MPP7: variants seen among roughly 807,000 people sequenced by gnomAD.
MPP7 encodes MAGUK p55 subfamily member 7.
A neutral mutation model predicts 76.5 loss-of-function variants in MPP7; 60 were observed. The observed-to-expected ratio is 0.78, with a 90% CI of 0.64 to 0.97. MPP7 has a LOEUF of 0.97. Among genes scored for constraint, MPP7 ranks in the 50% least tolerant of loss-of-function variants. MPP7 has a pLI of 0.00. For synonymous variants in MPP7, 237 were observed against 244.5 expected (o/e 0.97, Z 0.29); for missense variants, 641 against 694.0 (o/e 0.92, Z 0.86).
intron 2 of MPP7, among the ~76,000 whole-genome samples, chr10:28,233,564 A>T (rs1226563022): frequency 1.3e-5 from 2 of 151,718 alleles, no homozygotes; most frequent in South Asian, 2.1e-4. Context: ...CAAAAATACA[A>T]AAAATTAGCC....
chr10:28,262,317 C>T (rs1246112228), intron 1 of MPP7, among the ~76,000 whole-genome samples: 5 of 134,366 alleles, frequency 3.7e-5, no homozygotes, highest in African/African-American at 1.1e-4. Context: ...AGGATGGTCT[C>T]GCTCTCCTGA....
intron 12 of MPP7, among the ~76,000 whole-genome samples, chr10:28,080,475 C>T (rs915794725): frequency 6.6e-6 from 1 of 152,152 alleles, no homozygotes; most frequent in African/African-American, 2.4e-5. Flanking sequence ...TTACTTTCTT[C>T]CATAGACTTA....
chr10:28,231,313 C>A (rs915854711), intron 2 of MPP7, among the ~76,000 whole-genome samples: 1 of 149,626 alleles, frequency 6.7e-6, no homozygotes, highest in African/African-American at 2.5e-5. Context: ...CAAAACTTAG[C>A]GAGAAATAGT....
At chr10:28,254,064 A>G (rs1431659133) in intron 1 of MPP7, among the ~76,000 whole-genome samples, 1 of 151,388 alleles carries the variant, frequency 6.6e-6, no homozygotes, top group African/African-American at 2.4e-5. Flanking sequence ...TCTTATGGGA[A>G]TTACATTCAA....
At chr10:28,115,927 C>T (rs1446443302) in intron 11 of MPP7, among the ~76,000 whole-genome samples, 3 of 152,066 alleles carry the variant, frequency 2.0e-5, no homozygotes, top group Non-Finnish European at 4.4e-5. Flanking sequence ...AAAAATTGTA[C>T]ATTCTTGTTT....
At chr10:28,177,344 G>A (rs1588888075) in intron 3 of MPP7, among the ~76,000 whole-genome samples, 1 of 150,958 alleles carries the variant, frequency 6.6e-6, no homozygotes, top group Non-Finnish European at 1.5e-5. Context: ...GGAGGCAGAG[G>A]TTGTGGTGAG....
chr10:28,323,216 C>T (rs1005142379), intron 2 of MPP7, among the ~76,000 whole-genome samples: 44 of 152,038 alleles, frequency 2.9e-4, no homozygotes, highest in African/African-American at 9.2e-4. Context: ...ACCTTGGAGG[C>T]GGAGCTTGCA....
intron 1 of MPP7, among the ~76,000 whole-genome samples, chr10:28,254,004 G>GAAAAAAAAA (rs199511617): frequency 3.2e-5 from 3 of 92,318 alleles, no homozygotes; most frequent in Non-Finnish European, 6.2e-5. Context: ...TCACAAAAAA[G>GAAAAAAAAA]AAAAAAAAAA....
At chr10:28,250,147 T>A (rs775154520) in intron 1 of MPP7, among the ~76,000 whole-genome samples, 7 of 152,130 alleles carry the variant, frequency 4.6e-5, no homozygotes, top group African/African-American at 4.8e-5. Context: ...ACTTTCCTGA[T>A]TTTATTTCCC....
intron 11 of MPP7, among the ~76,000 whole-genome samples, chr10:28,106,694 T>C (rs1834335412): frequency 6.6e-6 from 1 of 152,178 alleles, no homozygotes; most frequent in Non-Finnish European, 1.5e-5. Context: ...AGCACTCCTA[T>C]CCTCAACTAT....
intron 2 of MPP7, among the ~76,000 whole-genome samples, chr10:28,202,655 C>A (rs1837816601): frequency 6.6e-6 from 1 of 152,090 alleles, no homozygotes; most frequent in Non-Finnish European, 1.5e-5. Context: ...GAAAAACTTC[C>A]TTAGAAGAAC....
intron 2 of MPP7, among the ~76,000 whole-genome samples, chr10:28,319,097 A>G (rs1021806670): frequency 4.6e-5 from 7 of 152,208 alleles, no homozygotes; most frequent in Non-Finnish European, 1.0e-4. Context: ...GGCATGGCTG[A>G]GGAGACCTCA....
chr10:28,279,778 T>A (rs780052623), intron 1 of MPP7, among the ~76,000 whole-genome samples: 71 of 152,056 alleles, frequency 4.7e-4, no homozygotes, highest in Non-Finnish European at 7.8e-4. Flanking sequence ...GATGTAAGTT[T>A]AAGGACGGAA....
intron 3 of MPP7, among the ~76,000 whole-genome samples, chr10:28,154,036 G>A (rs1430023793): frequency 1.3e-5 from 2 of 152,080 alleles, no homozygotes; most frequent in Non-Finnish European, 2.9e-5. Context: ...CATGGGACAC[G>A]ATCCTTTCAG....
At chr10:28,178,764 G>A (rs932900295) in intron 3 of MPP7, among the ~76,000 whole-genome samples, 2 of 152,064 alleles carry the variant, frequency 1.3e-5, no homozygotes, top group Admixed American at 1.3e-4. Context: ...TCAACAAAAA[G>A]GGGGCTTTTG....
Position 28,265,052 on chromosome 10 carries a change from C to T in MPP7, c.-131-26317G>A, listed in dbSNP as rs539933441. 2.6e-5 allele frequency among the ~76,000 whole-genome samples: 4 copies of T among 152,252 alleles called. No homozygotes were observed. In the East Asian group the frequency reaches 7.7e-4, roughly 29 times the overall value. On this transcript the variant is annotated intron_variant, in intron 1 of 16. Coordinates refer to ENST00000683449, the MANE Select transcript of MPP7 (RefSeq NM_001318170.2). Reference sequence around the variant, plus strand: ...AATCAATTCAAGAGATAGAACAGTACTCAGGATGCACCTCCCATTGAGGAA... The same window carrying T: ...AATCAATTCAAGAGATAGAACAGTATTCAGGATGCACCTCCCATTGAGGAA...
At chr10:28,054,955 A>G (rs781071395) in intron 16 of MPP7, among the ~76,000 whole-genome samples, 2 of 152,246 alleles carry the variant, frequency 1.3e-5, no homozygotes, top group Non-Finnish European at 2.9e-5. Context: ...CTGGGATTAC[A>G]GGCATGAGCC....
intron 3 of MPP7, among the ~76,000 whole-genome samples, chr10:28,170,485 A>C (rs910345253): frequency 2.6e-5 from 4 of 151,552 alleles, no homozygotes; most frequent in African/African-American, 4.8e-5. Context: ...TATTTTCTTT[A>C]TCATCGCTGC....
chr10:28,259,661 T>C (rs1839889317), intron 1 of MPP7, among the ~76,000 whole-genome samples: 1 of 151,650 alleles, frequency 6.6e-6, no homozygotes, highest in African/African-American at 2.4e-5. Flanking sequence ...GATGAGTTAG[T>C]TATGTTTTCT....
Sources: allele counts gnomAD v4.1 joint callset (sites outside exome capture counted in the v4.1 genomes callset), GRCh38; gene constraint gnomAD v4.1.1; transcripts MANE v1.5; gene names NCBI Gene and HGNC (gene_info 2026-07-23, HGNC 2026-07-21).